Variants in BTBD9 observed in about 807,000 individuals in gnomAD.
The protein encoded by BTBD9 is BTB/POZ domain-containing protein 9.
A neutral mutation model predicts 64.3 loss-of-function variants in BTBD9; 49 were observed. The ratio of observed to expected loss-of-function variants is 0.76; its 90% CI spans 0.61 to 0.97. BTBD9 has a LOEUF of 0.97. BTBD9 is among the 50% of genes least tolerant of loss of function. The pLI is 0.00. For synonymous variants in BTBD9, 260 were observed against 274.7 expected, an observed-to-expected ratio of 0.95 and a Z score of 0.53; for missense variants, 598 against 762.1, an observed-to-expected ratio of 0.78 and a Z score of 2.53.
chr6:38,283,217 T>C (rs1761589317), intron 8 of BTBD9, among the ~76,000 whole-genome samples: 1 of 152,198 alleles, frequency 6.6e-6, no homozygotes, highest in Admixed American at 6.5e-5. Context: ...AGGTTCTACT[T>C]GCCTACCCAA....
At chr6:38,636,415 C>A (rs1778529026) in intron 1 of BTBD9, among the ~76,000 whole-genome samples, 1 of 152,188 alleles carries the variant, frequency 6.6e-6, no homozygotes, top group South Asian at 2.1e-4. Flanking sequence ...CCCACAGAAA[C>A]CTCAGAATTA....
intron 6 of BTBD9, among the ~76,000 whole-genome samples, chr6:38,428,115 GA>G (rs1768262652): frequency 6.6e-6 from 1 of 151,910 alleles, no homozygotes; most frequent in African/African-American, 2.4e-5. Flanking sequence ...CTTTTTGGGT[GA>G]GGGGGATAAC....
intron 2 of BTBD9, among the ~76,000 whole-genome samples, chr6:38,594,596 A>G (rs1437377539): frequency 6.6e-6 from 1 of 152,232 alleles, no homozygotes; most frequent in East Asian, 1.9e-4. Flanking sequence ...AAATAGAAAG[A>G]TGAGAGTGAT....
intron 6 of BTBD9, among the ~76,000 whole-genome samples, chr6:38,452,229 G>A (rs916964101): frequency 6.6e-6 from 1 of 151,924 alleles, no homozygotes; most frequent in African/African-American, 2.4e-5. Context: ...GGATTCCTAT[G>A]CCCCAAAAAG....
chr6:38,240,096 C>A (rs1763942419), intron 9 of BTBD9, among the ~76,000 whole-genome samples: 1 of 152,186 alleles, frequency 6.6e-6, no homozygotes, highest in Non-Finnish European at 1.5e-5. Flanking sequence ...TCAAGGCACA[C>A]CTGAACTTCC....
chr6:38,400,775 T>C (rs1766892465), intron 6 of BTBD9, among the ~76,000 whole-genome samples: 1 of 152,252 alleles, frequency 6.6e-6, no homozygotes, highest in South Asian at 2.1e-4. Flanking sequence ...GTATTCATGC[T>C]CACTGTAACA....
At chr6:38,525,030 T>C (rs1428958763) in intron 6 of BTBD9, among the ~76,000 whole-genome samples, 1 of 152,118 alleles carries the variant, frequency 6.6e-6, no homozygotes, top group African/African-American at 2.4e-5. Context: ...ACTAGAATGG[T>C]TTATTATTTT....
intron 3 of BTBD9, among the ~76,000 whole-genome samples, chr6:38,593,118 A>G (rs1776882502): frequency 6.6e-6 from 1 of 152,222 alleles, no homozygotes; most frequent in Non-Finnish European, 1.5e-5. Flanking sequence ...AAACAGCAAA[A>G]AGAAAAACGC....
At chr6:38,312,105 C>A (rs1343017018) in intron 7 of BTBD9, among the ~76,000 whole-genome samples, 1 of 152,080 alleles carries the variant, frequency 6.6e-6, no homozygotes, top group African/African-American at 2.4e-5. Context: ...AGGTGATCCA[C>A]CCGCCTCGGC....
chr6:38,359,733 C>A (rs1172748016), intron 6 of BTBD9, among the ~76,000 whole-genome samples: 2 of 152,204 alleles, frequency 1.3e-5, no homozygotes, highest in South Asian at 2.1e-4. Context: ...GTTGAACCAG[C>A]CAATTTTTCT....
At chr6:38,456,957 G>A (rs60581943) in intron 6 of BTBD9, among the ~76,000 whole-genome samples, 8,206 of 152,238 alleles carry the variant, frequency 0.054, 470 homozygotes, top group African/African-American at 0.14. Flanking sequence ...GATAAAGATA[G>A]AGTTATCAGG....
chr6:38,204,962 A>C (rs1469221511), intron 9 of BTBD9, among the ~76,000 whole-genome samples: 1 of 152,224 alleles, frequency 6.6e-6, no homozygotes, highest in East Asian at 1.9e-4. Flanking sequence ...CTTGTAAATT[A>C]AAACTATGAG....
rs1346195939 is a variant in BTBD9 at position 38,173,107 on chromosome 6, T to A, written c.*1878A>T. The A allele has an allele frequency of 6.6e-6, 1 of 152,324 alleles. No homozygotes were observed. The highest frequency in any genetic ancestry group is 1.5e-5 in the Non-Finnish European group (1 of 68,096). 9.4% of individuals were successfully genotyped at this position (152,324 alleles called of 1,614,324 possible). On this transcript the variant is annotated 3_prime_UTR_variant, in exon 11 of 11. Transcript: ENST00000481247. The stretch of plus-strand genomic sequence containing the variant: ...TTGAACTCTGCCCTTGATATGACTG[T>A]CTGGCTCCTTTGTCCCCATCTGGGT...
At chr6:38,424,383 C>A (rs1350483138) in intron 6 of BTBD9, among the ~76,000 whole-genome samples, 1 of 151,930 alleles carries the variant, frequency 6.6e-6, no homozygotes, top group African/African-American at 2.4e-5. Context: ...TACCGCCCAA[C>A]AACTGGCTCA....
At chr6:38,537,156 T>C (rs1241096950) in intron 6 of BTBD9, among the ~76,000 whole-genome samples, 2 of 152,192 alleles carry the variant, frequency 1.3e-5, no homozygotes, top group African/African-American at 2.4e-5. Flanking sequence ...GAAATACTTG[T>C]AGACTGTAGA....
chr6:38,566,815 T>G (rs1185925409), intron 6 of BTBD9, among the ~76,000 whole-genome samples: 2 of 152,134 alleles, frequency 1.3e-5, no homozygotes, highest in East Asian at 3.8e-4. Context: ...TACACATATA[T>G]CTCAACAAAC....
At position 38,592,765 on chromosome 6, in the gene BTBD9, A is replaced by G; in HGVS notation, c.625T>C (p.Trp209Arg). ...TTCTCCTTTGAATTGTGCTTACACC[A>G]GTTTAATAAGGCTAGGAAAATATCT... The part of the protein sequence containing the change: ...EKDIFLALLN[W>R]CKHNSKENHA... The change falls in exon 4 of 11, where the codon TGG (tryptophan) becomes CGG (arginine). Residue 209 changes from tryptophan (W) to arginine (R), a missense_variant. Trp to Arg is a moderately radical substitution (Grantham distance 101). Coordinates refer to ENST00000481247, the MANE Select transcript of BTBD9 (RefSeq NM_001099272.2). 2 of 1,614,220 alleles carry G rather than the reference A, an allele frequency of 1.2e-6. No homozygotes were observed. Among genetic ancestry groups the G allele is most frequent in the Admixed American group, 1.7e-5 (1 of 60,028 alleles).
intron 7 of BTBD9, among the ~76,000 whole-genome samples, chr6:38,293,603 C>G (rs1482925092): frequency 6.6e-6 from 1 of 152,204 alleles, no homozygotes; most frequent in Non-Finnish European, 1.5e-5. Context: ...GCTGGGAAAA[C>G]TGGCTAGCCA....
intron 1 of BTBD9, among the ~76,000 whole-genome samples, chr6:38,603,570 C>T (rs1777329401): frequency 6.6e-6 from 1 of 152,230 alleles, no homozygotes; most frequent in African/African-American, 2.4e-5. Context: ...ACTTATACAA[C>T]TGTTTACAAA....
Sources: gnomAD v4.1 joint callset for allele counts (sites outside exome capture counted in the v4.1 genomes callset) on GRCh38, gnomAD v4.1.1 for gene constraint, MANE v1.5 for transcripts, NCBI Gene and HGNC (gene_info 2026-07-23, HGNC 2026-07-21) for gene names.